The following U2SURP variants were observed in gnomAD, a reference collection of about 807,000 sequenced individuals.
U2SURP encodes the protein U2 snRNP-associated SURP motif-containing protein.
A neutral mutation model predicts 144.9 loss-of-function variants in U2SURP; 9 were observed. That is an observed-to-expected ratio of 0.06 (90% CI 0.04 to 0.11). The LOEUF (loss-of-function observed/expected upper bound fraction) is 0.11. U2SURP is among the 10% of genes least tolerant of loss of function. U2SURP has a pLI of 1.00. For synonymous variants in U2SURP, 408 were observed against 396.8 expected, an observed-to-expected ratio of 1.03 and a Z score of -0.33; for missense variants, 724 against 1,226.7, an observed-to-expected ratio of 0.59 and a Z score of 6.12.
Position 143,044,289 on chromosome 3 carries a change from C to CTTTT in U2SURP, c.2544+1027_2544+1030dup, listed in dbSNP as rs56916268. Reference sequence around the variant, plus strand: ...TTTCCCTTTTCCCCTCTCCCCTCTCCTTTTTTTTTTTTTTTTTGAGACGGG... The same window carrying CTTTT: ...TTTCCCTTTTCCCCTCTCCCCTCTCCTTTTTTTTTTTTTTTTTTTTTGAGACGGG... On this transcript the variant is annotated intron_variant, in intron 24 of 27. Transcript: ENST00000473835. 3.7e-5 allele frequency among the ~76,000 whole-genome samples: 3 copies of CTTTT among 81,374 alleles called. 1 individual carries two copies. Among genetic ancestry groups the CTTTT allele is most frequent in the African/African-American group, 1.7e-4 (3 of 17,294 alleles). The allele number at this position is 81,374 out of a possible 152,430, so 53.4% of individuals were successfully genotyped here. A position where few individuals can be genotyped will look rare whatever the true frequency, so the allele number is the denominator to read the frequency against.
chr3:143,023,129 C>T, intron 12 of U2SURP, 65 bp downstream of exon 12: 1 of 1,335,204 alleles, frequency 7.5e-7, no homozygotes, highest in Non-Finnish European at 1.0e-6. Context: ...GGTAGTATTT[C>T]TTTTCAACAA....
chr3:143,032,488 A>T (rs567832847), intron 16 of U2SURP, among the ~76,000 whole-genome samples: 1 of 152,220 alleles, frequency 6.6e-6, no homozygotes, highest in African/African-American at 2.4e-5. Flanking sequence ...GTATCATGGG[A>T]TGGTAAGACT....
Position 143,038,351 on chromosome 3 carries a change from T to C in U2SURP, c.2317+148T>C, listed in dbSNP as rs1369523810. ...TCATATTTTGTGTCTAATGTATGCT[T>C]TTATTGTGGTTGGTGTTGCTGTTAC... On this transcript the variant is annotated intron_variant, in intron 22 of 27. Coordinates refer to ENST00000473835, the MANE Select transcript of U2SURP (RefSeq NM_001080415.2). The C allele has an allele frequency of 1.0e-5, 6 of 596,534 alleles. No individual in the cohort carries two copies. In the African/African-American group the frequency reaches 1.2e-4, roughly 12 times the overall value. 37.0% of individuals were successfully genotyped at this position (596,534 alleles called of 1,614,324 possible).
At chr3:143,029,254 A>T (rs959134393) in intron 16 of U2SURP, among the ~76,000 whole-genome samples, 4 of 152,210 alleles carry the variant, frequency 2.6e-5, no homozygotes, top group African/African-American at 7.2e-5. Flanking sequence ...GTACAGACAT[A>T]CTTAGTTTTA....
At chr3:143,010,140 A>C (rs1936048053) in intron 1 of U2SURP, among the ~76,000 whole-genome samples, 1 of 152,238 alleles carries the variant, frequency 6.6e-6, no homozygotes, top group Non-Finnish European at 1.5e-5. Flanking sequence ...GTGTAGTGGC[A>C]ACAAGTTATT....
intron 16 of U2SURP, among the ~76,000 whole-genome samples, chr3:143,031,123 G>C (rs1226055945): frequency 6.6e-6 from 1 of 152,150 alleles, no homozygotes; most frequent in African/African-American, 2.4e-5. Flanking sequence ...TAAATGAGGA[G>C]TTGCTTCTTA....
In U2SURP at chr3:143,053,320, T is replaced by A. The variant is rs528867418; in HGVS notation, c.2656-356T>A. Among the ~76,000 whole-genome samples the A allele has an allele frequency of 3.3e-5, 5 of 152,332 alleles. No individual in the cohort carries two copies. The East Asian group carries it at 9.6e-4, about 29-fold the overall frequency. ...TCCTGTGTGACCATGCACATGGTAC[T>A]TAATCTTTCTGAGTCTCAATTTTCA... On this transcript the variant is annotated intron_variant, in intron 25 of 27. Transcript: ENST00000473835.
intron 23 of U2SURP, among the ~76,000 whole-genome samples, chr3:143,041,021 T>C (rs1421189590): frequency 6.6e-6 from 1 of 151,840 alleles, no homozygotes; most frequent in Non-Finnish European, 1.5e-5. Context: ...AGCAAACATT[T>C]TGGTAAACAT....
At chr3:143,006,798 G>C (rs1469323098) in intron 1 of U2SURP, among the ~76,000 whole-genome samples, 1 of 152,196 alleles carries the variant, frequency 6.6e-6, no homozygotes, top group African/African-American at 2.4e-5. Flanking sequence ...AAGAGAGTCA[G>C]CACAATGCAA....
intron 23 of U2SURP, among the ~76,000 whole-genome samples, chr3:143,042,334 C>T (rs896377419): frequency 2.0e-5 from 3 of 152,104 alleles, no homozygotes; most frequent in African/African-American, 7.2e-5. Context: ...TCTTTACCAG[C>T]TGTATTGGTT....
chr3:143,033,196 T>C, intron 17 of U2SURP, 75 bp from the exon 18 acceptor site: 2 of 953,964 alleles, frequency 2.1e-6, no homozygotes, highest in Non-Finnish European at 3.2e-6. Context: ...CTCTTCTAAT[T>C]AGTAGCCATA....
chr3:143,029,879 T>C (rs1398381885), intron 16 of U2SURP, among the ~76,000 whole-genome samples: 1 of 152,128 alleles, frequency 6.6e-6, no homozygotes, highest in Non-Finnish European at 1.5e-5. Context: ...AAAGTTTCGG[T>C]GGTGTGGATA....
chr3:143,054,739 T>G (rs1935057011), intron 26 of U2SURP, among the ~76,000 whole-genome samples: 1 of 152,242 alleles, frequency 6.6e-6, no homozygotes, highest in South Asian at 2.1e-4. Flanking sequence ...CCAATTTAGT[T>G]GAATTCAGTT....
chr3:143,051,371 G>C (rs73867479), intron 25 of U2SURP, among the ~76,000 whole-genome samples: 235 of 152,184 alleles, frequency 1.5e-3, no homozygotes, highest in African/African-American at 5.4e-3. Flanking sequence ...ACAACCCTGA[G>C]AGGTAGTACA....
At chr3:143,004,689 C>T (rs972046152) in intron 1 of U2SURP, among the ~76,000 whole-genome samples, 3 of 150,302 alleles carry the variant, frequency 2.0e-5, no homozygotes, top group African/African-American at 7.3e-5. Flanking sequence ...GAATGACTTA[C>T]CTTTATTCAT....
chr3:143,032,662 A>ATT, intron 16 of U2SURP, 122 bp from the exon 17 acceptor site: 1 of 830,082 alleles, frequency 1.2e-6, no homozygotes, highest in Non-Finnish European at 1.8e-6. Flanking sequence ...GACTGAATGT[A>ATT]TTACAGTCTT....
In U2SURP at chr3:143,055,021, G is replaced by A. The variant is rs760089130; in HGVS notation, c.2853G>A (p.Ser951=). ...GRRVKSPSPK[S]ERSERSERSH... ...GAGTGAAATCCCCATCACCAAAATC[G>A]GAGCGATCAGAGCGTTCAGAAAGAT... The change falls in exon 27 of 28, where the codon TCG becomes TCA. Residue 951 remains serine, a synonymous_variant. Transcript: ENST00000473835. 2.5e-6 allele frequency: 4 copies of A among 1,608,304 alleles called. No homozygotes were observed. Among genetic ancestry groups the A allele is most frequent in the Non-Finnish European group, 1.7e-6 (2 of 1,177,504 alleles).
At chr3:143,022,826 A>G (rs1932915965) in intron 11 of U2SURP, 27 bp from the exon 12 acceptor site, 2 of 1,514,830 alleles carry the variant, frequency 1.3e-6, no homozygotes, top group Non-Finnish European at 1.8e-6. Flanking sequence ...AGAGTTAACA[A>G]AATGACCTTT....
At chr3:143,031,269 C>T (rs1300058891) in intron 16 of U2SURP, among the ~76,000 whole-genome samples, 1 of 152,196 alleles carries the variant, frequency 6.6e-6, no homozygotes, top group Admixed American at 6.5e-5. Flanking sequence ...AGAGGATTGA[C>T]TACAGTTTGG....
Sources: allele counts gnomAD v4.1 joint callset (sites outside exome capture counted in the v4.1 genomes callset), GRCh38; gene constraint gnomAD v4.1.1; transcripts MANE v1.5; gene names NCBI Gene and HGNC (gene_info 2026-07-23, HGNC 2026-07-21).